FAM81A: variants seen among roughly 807,000 people sequenced by gnomAD.
The protein encoded by FAM81A is family with sequence similarity 81 member A.
Under a neutral mutation model 46.7 loss-of-function variants are expected in FAM81A, and 19 were observed. The observed-to-expected ratio is 0.41, with a 90% CI of 0.28 to 0.60. The LOEUF (loss-of-function observed/expected upper bound fraction) is 0.60. Ranked by LOEUF, FAM81A falls within the 20% of genes least tolerant of loss-of-function variation. The pLI, the probability that FAM81A is intolerant of heterozygous loss-of-function variation, is 0.34. For synonymous variants in FAM81A, 183 were observed against 152.9 expected, an observed-to-expected ratio of 1.20 and a Z score of -1.45; for missense variants, 377 against 453.5, an observed-to-expected ratio of 0.83 and a Z score of 1.53.
intron 7 of FAM81A, among the ~76,000 whole-genome samples, chr15:59,515,108 G>A (rs1350977286): frequency 6.6e-6 from 1 of 152,054 alleles, no homozygotes; most frequent in Non-Finnish European, 1.5e-5. Flanking sequence ...AGCTGAGCAT[G>A]GTGACACACG....
chr15:59,454,318 A>G (rs2081456150), intron 1 of FAM81A, among the ~76,000 whole-genome samples: 1 of 152,234 alleles, frequency 6.6e-6, no homozygotes, highest in Non-Finnish European at 1.5e-5. Flanking sequence ...ACTCTTTAGT[A>G]AAAATTATCA....
intron 1 of FAM81A, among the ~76,000 whole-genome samples, chr15:59,443,791 C>T (rs1235530442): frequency 6.6e-6 from 1 of 152,120 alleles, no homozygotes; most frequent in East Asian, 1.9e-4. Context: ...TGCCTACTGT[C>T]TCTCTCCTGT....
intron 4 of FAM81A, among the ~76,000 whole-genome samples, chr15:59,503,149 G>A (rs1287211984): frequency 6.7e-6 from 1 of 150,360 alleles, no homozygotes; most frequent in Non-Finnish European, 1.5e-5. Context: ...GGCTGAGGCA[G>A]GACAATCGCT....
At chr15:59,514,150 G>T in intron 6 of FAM81A, 139 bp from the exon 7 acceptor site, 1 of 879,296 alleles carries the variant, frequency 1.1e-6, no homozygotes, top group Non-Finnish European at 1.7e-6. Flanking sequence ...GTGATGGGTT[G>T]ACAGATGCAG....
intron 2 of FAM81A, among the ~76,000 whole-genome samples, chr15:59,419,339 C>G (rs376484864): frequency 2.0e-5 from 3 of 152,178 alleles, no homozygotes; most frequent in African/African-American, 7.2e-5. Context: ...TTAAATAACT[C>G]TCACTTTTGT....
intron 8 of FAM81A, among the ~76,000 whole-genome samples, chr15:59,520,714 G>A (rs777003904): frequency 1.9e-4 from 29 of 152,096 alleles, no homozygotes; most frequent in South Asian, 8.3e-4. Context: ...ACAGGTGTGC[G>A]CCACCATACC....
chr15:59,509,504 A>G (rs2082182768), intron 6 of FAM81A, among the ~76,000 whole-genome samples: 1 of 152,210 alleles, frequency 6.6e-6, no homozygotes, highest in African/African-American at 2.4e-5. Context: ...TTATCTGATA[A>G]GCCTGATGTG....
chr15:59,400,245 G>C (rs1221811005), intron 1 of FAM81A, among the ~76,000 whole-genome samples: 5 of 148,992 alleles, frequency 3.4e-5, no homozygotes, highest in African/African-American at 1.2e-4. Flanking sequence ...CCCAATACCA[G>C]AGCGAGAAAG....
At chr15:59,494,106 T>C (rs1175187803) in intron 4 of FAM81A, among the ~76,000 whole-genome samples, 1 of 152,200 alleles carries the variant, frequency 6.6e-6, no homozygotes, top group African/African-American at 2.4e-5. Flanking sequence ...GAACGGTCTC[T>C]GGAAAACAGT....
At chr15:59,432,527 C>T (rs1409375642) in intron 2 of FAM81A, among the ~76,000 whole-genome samples, 1 of 152,122 alleles carries the variant, frequency 6.6e-6, no homozygotes, top group Non-Finnish European at 1.5e-5. Flanking sequence ...GGTTTTTATG[C>T]GGCAATCTTG....
At chr15:59,404,916 A>G (rs1322920058) in intron 2 of FAM81A, among the ~76,000 whole-genome samples, 1 of 152,162 alleles carries the variant, frequency 6.6e-6, no homozygotes, top group Non-Finnish European at 1.5e-5. Context: ...ACCCTGAAAT[A>G]ATCTCCTACC....
At chr15:59,415,682 CT>C (rs1261699117) in intron 2 of FAM81A, among the ~76,000 whole-genome samples, 2 of 152,172 alleles carry the variant, frequency 1.3e-5, no homozygotes, top group African/African-American at 4.8e-5. Flanking sequence ...TCTTAGACCC[CT>C]GACCTGCAGA....
In FAM81A at chr15:59,521,598, T is replaced by A; in HGVS notation, c.*220T>A. ...TTTTTACCAGTTTATTTCACTTCTC[T>A]AAATTCAATGGAAATCCCCCGCCCT... On this transcript the variant is annotated 3_prime_UTR_variant, in exon 9 of 9. Coordinates refer to ENST00000288228, the MANE Select transcript of FAM81A (RefSeq NM_152450.3). 2.3e-6 allele frequency: 1 copy of A among 429,770 alleles called. No homozygotes were observed. Among genetic ancestry groups the A allele is most frequent in the Non-Finnish European group, 3.8e-6 (1 of 259,750 alleles). 26.6% of individuals were successfully genotyped at this position (429,770 alleles called of 1,614,324 possible).
intron 1 of FAM81A, among the ~76,000 whole-genome samples, chr15:59,449,214 C>CT (rs1467205134): frequency 1.3e-5 from 2 of 152,164 alleles, no homozygotes; most frequent in South Asian, 2.1e-4. Flanking sequence ...CCTGGAGAGT[C>CT]TAACAATTTG....
At chr15:59,478,233 T>C (rs2081798806) in intron 3 of FAM81A, among the ~76,000 whole-genome samples, 1 of 152,202 alleles carries the variant, frequency 6.6e-6, no homozygotes, top group Admixed American at 6.5e-5. Flanking sequence ...GGACCTACTT[T>C]AGTTCCCATG....
At chr15:59,405,905 C>T (rs747209578) in intron 2 of FAM81A, among the ~76,000 whole-genome samples, 7 of 152,186 alleles carry the variant, frequency 4.6e-5, no homozygotes, top group South Asian at 2.1e-4. Context: ...TGCCTTAGAG[C>T]GTCTCCTAGG....
chr15:59,454,326 T>C (rs1400823436), intron 1 of FAM81A, among the ~76,000 whole-genome samples: 5 of 152,250 alleles, frequency 3.3e-5, no homozygotes, highest in Non-Finnish European at 5.9e-5. Context: ...GTAAAAATTA[T>C]CATTTTAATT....
chr15:59,448,302 G>A lies in FAM81A; in HGVS notation c.-78+10020G>A, dbSNP rs146301287. Reference sequence around the variant, plus strand: ...TGAGGCAGGAGAATCACTTGAACCCGGGAGGTAGATGTTGCAGTGGGTGGA... The same window carrying A: ...TGAGGCAGGAGAATCACTTGAACCCAGGAGGTAGATGTTGCAGTGGGTGGA... On this transcript the variant is annotated intron_variant, in intron 1 of 8. Coordinates refer to ENST00000288228, the MANE Select transcript of FAM81A (RefSeq NM_152450.3). Among the ~76,000 whole-genome samples, 1,393 of 152,224 alleles carry A rather than the reference G, an allele frequency of 9.2e-3. 24 individuals carry two copies. Among genetic ancestry groups the A allele is most frequent in the African/African-American group, 0.031 (1,298 of 41,544 alleles).
chr15:59,419,720 A>G (rs2081162604), intron 2 of FAM81A, among the ~76,000 whole-genome samples: 1 of 152,138 alleles, frequency 6.6e-6, no homozygotes, highest in Non-Finnish European at 1.5e-5. Context: ...CTGAAAATAC[A>G]AAAATTGGCC....
Sources: allele counts gnomAD v4.1 joint callset (sites outside exome capture counted in the v4.1 genomes callset), GRCh38; gene constraint gnomAD v4.1.1; transcripts MANE v1.5; gene names NCBI Gene and HGNC (gene_info 2026-07-23, HGNC 2026-07-21).